Variants in BCHE observed in about 807,000 individuals in gnomAD.
BCHE encodes cholinesterase.
Under a neutral mutation model 51.3 loss-of-function variants are expected in BCHE, and 48 were observed. The observed-to-expected ratio is 0.94, with a 90% CI of 0.74 to 1.19. The LOEUF (loss-of-function observed/expected upper bound fraction) is 1.19. Ranked by LOEUF, BCHE falls within the 50% of genes most tolerant of loss-of-function variation. The pLI is 0.00. For synonymous variants in BCHE, 251 were observed against 238.0 expected (o/e 1.05, Z -0.50); for missense variants, 847 against 708.2 (o/e 1.20, Z -2.23).
intron 2 of BCHE, among the ~76,000 whole-genome samples, chr3:165,789,798 G>A (rs1189292386): frequency 1.3e-5 from 2 of 152,010 alleles, no homozygotes; most frequent in South Asian, 4.1e-4. Flanking sequence ...AGGGCTATAA[G>A]AAGACCTAAA....
chr3:165,830,278 A>G lies in BCHE; in HGVS notation c.756T>C (p.Ser252=). 1 of 1,614,030 alleles carries G rather than the reference A, an allele frequency of 6.2e-7. No homozygotes were observed. The highest frequency in any genetic ancestry group is 8.5e-7 in the Non-Finnish European group (1 of 1,179,942). Residue 252 remains serine (S), a synonymous_variant, in exon 2 of 4, where the codon AGT becomes AGC. Coordinates refer to ENST00000264381, the MANE Select transcript of BCHE (RefSeq NM_000055.4). ...HSLFTRAILQ[S]GSFNAPWAVT... is the part of the protein sequence containing the mutation. ...CCGCCCAAGGAGCATTAAAGGATCC[A>G]CTTTGCAGAATGGCTCTGGTGAACA...
intron 2 of BCHE, among the ~76,000 whole-genome samples, chr3:165,799,967 A>C (rs1713573651): frequency 6.6e-6 from 1 of 152,036 alleles, no homozygotes; most frequent in Non-Finnish European, 1.5e-5. Flanking sequence ...ATTTTCTACT[A>C]TTTGAAAGTG....
At chr3:165,795,897 AT>A (rs1713356782) in intron 2 of BCHE, among the ~76,000 whole-genome samples, 1 of 152,068 alleles carries the variant, frequency 6.6e-6, no homozygotes, top group African/African-American at 2.4e-5. Context: ...TTCACAGAGA[AT>A]TTGGATATAG....
rs1330597433 is a variant in BCHE, at chr3:165,830,272, G to A, written c.762C>T (p.Ser254=). Residue 254 remains serine (S), a synonymous_variant, in exon 2 of 4, where the codon TCC becomes TCT. Transcript: ENST00000264381. Reference sequence around the variant, plus strand: ...ATGTTACCGCCCAAGGAGCATTAAAGGATCCACTTTGCAGAATGGCTCTGG... The same window carrying A: ...ATGTTACCGCCCAAGGAGCATTAAAAGATCCACTTTGCAGAATGGCTCTGG... The part of the protein sequence containing the change: ...LFTRAILQSG[S]FNAPWAVTSL... 2.5e-6 allele frequency: 4 copies of A among 1,614,000 alleles called. No individual in the cohort carries two copies. The highest frequency in any genetic ancestry group is 3.4e-6 in the Non-Finnish European group (4 of 1,179,936).
intron 2 of BCHE, among the ~76,000 whole-genome samples, chr3:165,797,306 CCCCTTCCTT>C (rs1254304582): frequency 2.2e-3 from 3 of 1,382 alleles, no homozygotes; most frequent in Admixed American, 0.014. Context: ...CCTCCCTCCC[CCCCTTCCTT>C]CCTTCCTTCC....
At chr3:165,815,721 CTTT>C (rs1004270808) in intron 2 of BCHE, among the ~76,000 whole-genome samples, 23 of 151,814 alleles carry the variant, frequency 1.5e-4, no homozygotes, top group African/African-American at 5.6e-4. Context: ...GAAGTATATT[CTTT>C]AAGGACAAGT....
At chr3:165,826,407 T>C (rs987171481) in intron 2 of BCHE, among the ~76,000 whole-genome samples, 13 of 152,176 alleles carry the variant, frequency 8.5e-5, no homozygotes, top group Middle Eastern at 6.8e-3. Context: ...ATATAGGCTA[T>C]GATACCATGA....
At chr3:165,774,954 G>A (rs112975183) in intron 3 of BCHE, among the ~76,000 whole-genome samples, 15 of 152,122 alleles carry the variant, frequency 9.9e-5, no homozygotes, top group African/African-American at 3.4e-4. Context: ...TTTGTTCCTG[G>A]TATAAAGGCA....
At chr3:165,836,987 T>TTG (rs958629273) in intron 1 of BCHE, among the ~76,000 whole-genome samples, 1 of 152,216 alleles carries the variant, frequency 6.6e-6, no homozygotes, top group Non-Finnish European at 1.5e-5. Context: ...GGTAAGCCAG[T>TTG]ATGAAATGTT....
intron 2 of BCHE, among the ~76,000 whole-genome samples, chr3:165,792,427 T>C (rs778925994): frequency 6.6e-6 from 1 of 152,168 alleles, no homozygotes; most frequent in Non-Finnish European, 1.5e-5. Context: ...TAAAATAAAG[T>C]GCTTCCATGA....
At chr3:165,816,989 A>C (rs1714337158) in intron 2 of BCHE, among the ~76,000 whole-genome samples, 1 of 152,232 alleles carries the variant, frequency 6.6e-6, no homozygotes, top group East Asian at 1.9e-4. Context: ...AAACAATTTA[A>C]TTTAAATATT....
intron 2 of BCHE, among the ~76,000 whole-genome samples, chr3:165,798,233 A>G (rs1313859532): frequency 6.6e-6 from 1 of 152,122 alleles, no homozygotes; most frequent in Non-Finnish European, 1.5e-5. Flanking sequence ...ACTTGAAACT[A>G]CAGCGTATCC....
Position 165,836,488 on chromosome 3 carries a change from T to C in BCHE, c.-9+826A>G, listed in dbSNP as rs185114294. ...AAAAATATATAATAAATAGAAATCA[T>C]AAACAATGAAATCACATTTCAGTTT... On this transcript the variant is annotated intron_variant, in intron 1 of 3. Transcript: ENST00000264381. 3.4e-3 allele frequency among the ~76,000 whole-genome samples: 511 copies of C among 152,052 alleles called. 3 individuals are homozygous for C. The highest frequency in any genetic ancestry group is 1.3e-3 in the Non-Finnish European group (90 of 67,912).
rs775897605 is a variant in BCHE, at chr3:165,830,691, C to A, written c.343G>T (p.Asp115Tyr). 7.4e-6 allele frequency: 12 copies of A among 1,613,910 alleles called. No homozygotes were observed. The Admixed American group carries it at 1.3e-4, about 18-fold the overall frequency. ...AGATATAAACAGTCTTCACTGAGGTCAGTGTTTGGGTTCCACATCTCTGAT... is the reference window on the plus strand; with the variant it reads ...AGATATAAACAGTCTTCACTGAGGTAAGTGTTTGGGTTCCACATCTCTGAT... Reference protein sequence around the residue: ...HGSEMWNPNTDLSEDCLYLNV... With the variant: ...HGSEMWNPNTYLSEDCLYLNV... The change falls in exon 2 of 4, where the codon GAC becomes TAC. Residue 115 changes from aspartate to tyrosine, a missense_variant. Transcript: ENST00000264381.
intron 1 of BCHE, among the ~76,000 whole-genome samples, chr3:165,832,362 G>A (rs1240768326): frequency 6.6e-6 from 1 of 151,562 alleles, no homozygotes; most frequent in Non-Finnish European, 1.5e-5. Context: ...GTGTGATCTC[G>A]GCTCACTGCA....
intron 3 of BCHE, among the ~76,000 whole-genome samples, chr3:165,783,237 C>A (rs886894653): frequency 6.6e-6 from 1 of 152,010 alleles, no homozygotes; most frequent in Non-Finnish European, 1.5e-5. Flanking sequence ...TGCAATAAAT[C>A]TCAATCATTA....
intron 2 of BCHE, among the ~76,000 whole-genome samples, chr3:165,825,992 A>G (rs1432599389): frequency 6.6e-6 from 1 of 152,146 alleles, no homozygotes; most frequent in Non-Finnish European, 1.5e-5. Context: ...AAGATTGATT[A>G]GTTGCAAGTG....
At chr3:165,831,158 A>C in intron 1 of BCHE, 117 bp from the exon 2 acceptor site, 1 of 955,696 alleles carries the variant, frequency 1.0e-6, no homozygotes, top group East Asian at 2.6e-5. Context: ...ATGAAAACAA[A>C]TAAACCTGCT....
intron 3 of BCHE, among the ~76,000 whole-genome samples, chr3:165,782,632 A>C (rs761142075): frequency 6.6e-6 from 1 of 152,178 alleles, no homozygotes; most frequent in Non-Finnish European, 1.5e-5. Context: ...CTAAGGAATT[A>C]GAAAATATTT....
Sources: gnomAD v4.1 joint callset for allele counts (sites outside exome capture counted in the v4.1 genomes callset) on GRCh38, gnomAD v4.1.1 for gene constraint, MANE v1.5 for transcripts, NCBI Gene and HGNC (gene_info 2026-07-23, HGNC 2026-07-21) for gene names.